Variants in CSMD1 observed in about 807,000 individuals in gnomAD.
The protein encoded by CSMD1 is CUB and sushi domain-containing protein 1.
In CSMD1, 213 loss-of-function variants were observed where a neutral mutation model predicts 417.5. The observed-to-expected ratio is 0.51, with a 90% confidence interval of 0.46 to 0.57. The LOEUF is 0.57. CSMD1 is among the 20% of genes least tolerant of loss of function. The pLI is 0.00. For missense variants in CSMD1, 6,923 were observed against 4,529.7 expected (o/e 1.53, Z -15.17); for synonymous variants, 2,862 against 1,736.8 (o/e 1.65, Z -16.11).
chr8:3,102,165 T>G (rs999270988), intron 46 of CSMD1, among the ~76,000 whole-genome samples: 2 of 152,150 alleles, frequency 1.3e-5, no homozygotes, highest in Non-Finnish European at 2.9e-5. Flanking sequence ...TCTGAAGAAT[T>G]TATTGGGAGA....
rs1796951709 is a variant in CSMD1 at position 4,284,436 on chromosome 8, C to G, written c.415+135517G>C. Reference sequence around the variant, plus strand: ...GAGAGACAAACACTGCGGGAGGGTACCTCCACTCCGTGTTCCCTCCCCGTC... The same window carrying G: ...GAGAGACAAACACTGCGGGAGGGTAGCTCCACTCCGTGTTCCCTCCCCGTC... On this transcript the variant is annotated intron_variant, in intron 3 of 69. Coordinates refer to ENST00000635120, the MANE Select transcript of CSMD1 (RefSeq NM_033225.6). Among the ~76,000 whole-genome samples the G allele has an allele frequency of 3.1e-5, 4 of 127,206 alleles. No homozygotes were observed. In the Admixed American group the frequency reaches 4.2e-4, roughly 14 times the overall value. The allele number at this position is 127,206 out of a possible 152,430, so 83.5% of individuals were successfully genotyped here. A position where few individuals can be genotyped will look rare whatever the true frequency, so the allele number is the denominator to read the frequency against.
At chr8:4,870,637 C>A (rs73503875) in intron 1 of CSMD1, among the ~76,000 whole-genome samples, 2 of 152,034 alleles carry the variant, frequency 1.3e-5, no homozygotes, top group African/African-American at 4.8e-5. Flanking sequence ...AATCCCAGCG[C>A]ACCACGAGTG....
chr8:3,596,825 T>G (rs773795978), intron 8 of CSMD1, among the ~76,000 whole-genome samples: 7 of 152,142 alleles, frequency 4.6e-5, no homozygotes, highest in African/African-American at 1.7e-4. Context: ...AGTAATCACA[T>G]GAGATCCAAA....
intron 1 of CSMD1, among the ~76,000 whole-genome samples, chr8:4,710,326 A>T (rs1319675181): frequency 6.6e-6 from 1 of 150,744 alleles, no homozygotes; most frequent in Non-Finnish European, 1.5e-5. Context: ...GCATATAAAC[A>T]TATTCTAAAG....
rs75983653 is a variant in CSMD1, at chr8:3,463,773, A to G, written c.1561+4939T>C. Among the ~76,000 whole-genome samples the G allele has an allele frequency of 8.3e-3, 1,261 of 152,288 alleles. 13 individuals are homozygous for G. The highest frequency in any genetic ancestry group is 0.029 in the African/African-American group (1,197 of 41,562). On this transcript the variant is annotated intron_variant, in intron 12 of 69. Coordinates refer to ENST00000635120, the MANE Select transcript of CSMD1 (RefSeq NM_033225.6). ...AGACGAGAAGCACCTTCAAGATTAC[A>G]TAACATCAATGCTGTCTCAAAAGTT...
At chr8:4,459,585 G>C (rs150954332) in intron 2 of CSMD1, among the ~76,000 whole-genome samples, 6 of 152,334 alleles carry the variant, frequency 3.9e-5, no homozygotes, top group African/African-American at 7.2e-5. Context: ...GGAATGGCTA[G>C]TCTAAGATAA....
chr8:4,431,162 A>G (rs1277048924), intron 2 of CSMD1, among the ~76,000 whole-genome samples: 1 of 152,144 alleles, frequency 6.6e-6, no homozygotes, highest in East Asian at 1.9e-4. Flanking sequence ...GCTCAAAGGC[A>G]AGGGAGGGGA....
chr8:3,472,547 G>T (rs566091692), intron 11 of CSMD1, among the ~76,000 whole-genome samples: 25 of 152,094 alleles, frequency 1.6e-4, no homozygotes, highest in African/African-American at 5.8e-4. Flanking sequence ...CTGTATGTGT[G>T]CACAAGAAAG....
At chr8:3,294,026 G>A (rs1342966578) in intron 25 of CSMD1, among the ~76,000 whole-genome samples, 2 of 108,992 alleles carry the variant, frequency 1.8e-5, no homozygotes, top group Admixed American at 9.1e-5. Flanking sequence ...CTTTCTGTTT[G>A]TTAGTTTTCC....
chr8:3,318,362 T>C (rs969796740), intron 23 of CSMD1, among the ~76,000 whole-genome samples: 56 of 152,316 alleles, frequency 3.7e-4, no homozygotes, highest in African/African-American at 1.3e-3. Flanking sequence ...GCCTACCGCA[T>C]TGATTCATTA....
intron 37 of CSMD1, 44 bp downstream of exon 37, chr8:3,181,066 T>G: frequency 8.4e-7 from 1 of 1,183,902 alleles, no homozygotes; most frequent in Non-Finnish European, 1.2e-6. Context: ...AAAAAATGAC[T>G]CAGTATAACA....
At chr8:4,618,170 A>C (rs1181674275) in intron 2 of CSMD1, among the ~76,000 whole-genome samples, 2 of 152,134 alleles carry the variant, frequency 1.3e-5, no homozygotes, top group East Asian at 3.9e-4. Flanking sequence ...CCTAGGGACC[A>C]CCCATAAGAT....
At chr8:3,869,187 G>C (rs746951547) in intron 5 of CSMD1, among the ~76,000 whole-genome samples, 1 of 152,106 alleles carries the variant, frequency 6.6e-6, no homozygotes, top group African/African-American at 2.4e-5. Context: ...GCACCCTGAG[G>C]CTTCTGCACT....
At chr8:4,212,826 G>C (rs914359559) in intron 3 of CSMD1, among the ~76,000 whole-genome samples, 4 of 140,300 alleles carry the variant, frequency 2.9e-5, no homozygotes, top group African/African-American at 1.1e-4. Context: ...TCATGGACTG[G>C]CATTTGGGAA....
At chr8:4,805,354 C>T (rs1018563771) in intron 1 of CSMD1, among the ~76,000 whole-genome samples, 4 of 152,156 alleles carry the variant, frequency 2.6e-5, no homozygotes, top group African/African-American at 9.7e-5. Context: ...AAGCACTCTG[C>T]CAATTCGTGG....
chr8:4,644,204 G>T (rs972924023), intron 1 of CSMD1, among the ~76,000 whole-genome samples: 11 of 152,110 alleles, frequency 7.2e-5, no homozygotes, highest in African/African-American at 2.4e-5. Context: ...GTTTTCACTG[G>T]TCAGTGTCAC....
At chr8:4,749,077 C>T (rs181696517) in intron 1 of CSMD1, among the ~76,000 whole-genome samples, 35 of 152,320 alleles carry the variant, frequency 2.3e-4, no homozygotes, top group Admixed American at 6.5e-4. Context: ...TGTGAGCGCA[C>T]GCTCGCCTGC....
intron 3 of CSMD1, among the ~76,000 whole-genome samples, chr8:4,251,844 C>G (rs368492097): frequency 7.7e-6 from 1 of 130,258 alleles, no homozygotes; most frequent in Admixed American, 9.3e-5. Context: ...AGGAGAGATG[C>G]AGGAGGAGAG....
chr8:3,211,241 T>C (rs1797589570), intron 30 of CSMD1, among the ~76,000 whole-genome samples: 1 of 152,118 alleles, frequency 6.6e-6, no homozygotes, highest in African/African-American at 2.4e-5. Flanking sequence ...GGTGGGGTCT[T>C]GCTATGTTGT....
Sources: allele counts gnomAD v4.1 joint callset (sites outside exome capture counted in the v4.1 genomes callset), GRCh38; gene constraint gnomAD v4.1.1; transcripts MANE v1.5; gene names NCBI Gene and HGNC (gene_info 2026-07-23, HGNC 2026-07-21).